Variants in CDKN3 observed in about 807,000 individuals in gnomAD.
CDKN3 encodes the protein cyclin-dependent kinase inhibitor 3.
Under a neutral mutation model 36.1 loss-of-function variants are expected in CDKN3, and 19 were observed. The observed-to-expected ratio is 0.53, with a 90% CI of 0.37 to 0.77. The LOEUF (loss-of-function observed/expected upper bound fraction) is 0.77, where lower values mean the gene tolerates loss of function less well. Among genes scored for constraint, CDKN3 ranks in the 30% least tolerant of loss-of-function variants. The pLI, the probability that CDKN3 is intolerant of heterozygous loss-of-function variation, is 0.00. For missense variants in CDKN3, 188 were observed against 248.6 expected (o/e 0.76, Z 1.64); for synonymous variants, 71 against 85.3 (o/e 0.83, Z 0.92).
intron 6 of CDKN3, among the ~76,000 whole-genome samples, chr14:54,417,141 A>G (rs1389609861): frequency 6.6e-6 from 1 of 152,246 alleles, no homozygotes; most frequent in African/African-American, 2.4e-5. Context: ...AAACAAGTAA[A>G]CATTAACATA....
chr14:54,411,258 ATTGAC>A (rs1385461008), intron 4 of CDKN3: 5 of 499,788 alleles, frequency 1.0e-5, no homozygotes, highest in African/African-American at 7.9e-5. Flanking sequence ...AAGAACAGCA[ATTGAC>A]TTATTTTGAA....
intron 1 of CDKN3, among the ~76,000 whole-genome samples, chr14:54,399,030 G>A (rs1426622643): frequency 2.4e-5 from 3 of 124,882 alleles, no homozygotes; most frequent in Non-Finnish European, 4.7e-5. Context: ...CTGTCAGCCA[G>A]GCTGGAGTGC....
intron 3 of CDKN3, among the ~76,000 whole-genome samples, chr14:54,405,587 T>C (rs946364924): frequency 5.9e-5 from 9 of 152,230 alleles, no homozygotes; most frequent in Admixed American, 2.0e-4. Context: ...CCTTTACCAT[T>C]ATGTAATCCC....
At chr14:54,417,816 T>C (rs1349129495) in intron 6 of CDKN3, 32 bp from the exon 7 acceptor site, 3 of 1,220,998 alleles carry the variant, frequency 2.5e-6, no homozygotes, top group South Asian at 2.6e-5. Flanking sequence ...AGTTATTTAA[T>C]AACATATTAT....
intron 7 of CDKN3, chr14:54,418,453 C>T: frequency 1.7e-6 from 1 of 585,136 alleles, no homozygotes; most frequent in East Asian, 2.9e-5. Context: ...TAACTGGGGA[C>T]ATCTTCCACA....
intron 3 of CDKN3, among the ~76,000 whole-genome samples, chr14:54,406,660 A>T (rs143871741): frequency 0.018 from 2,756 of 151,928 alleles, 83 homozygotes; most frequent in East Asian, 0.084. Flanking sequence ...TGCATCACGA[A>T]GTTCTCCTGC....
At chr14:54,418,581 T>C (rs893803473) in intron 7 of CDKN3, among the ~76,000 whole-genome samples, 4 of 152,172 alleles carry the variant, frequency 2.6e-5, no homozygotes, top group African/African-American at 9.7e-5. Context: ...GTAAAGCTAA[T>C]GTGCCTTCTT....
chr14:54,401,570 G>A lies in CDKN3; in HGVS notation c.139G>A (p.Ala47Thr), dbSNP rs2029942191. Residue 47 changes from alanine to threonine, a missense_variant, in exon 3 of 8, where the codon GCT (alanine) becomes ACT (threonine). Transcript: ENST00000335183. Reference protein sequence around the residue: ...VNCSQFLGLCALPGCKFKDVR... With the variant: ...VNCSQFLGLCTLPGCKFKDVR... Reference sequence around the variant, plus strand: ...TTGTTCTCAGTTTCTCGGTTTATGTGCTCTTCCAGGTGGGTAACACAATAA... The same window carrying A: ...TTGTTCTCAGTTTCTCGGTTTATGTACTCTTCCAGGTGGGTAACACAATAA... The A allele has an allele frequency of 1.2e-6, 2 of 1,606,608 alleles. No homozygotes were observed. Among genetic ancestry groups the A allele is most frequent in the African/African-American group, 2.7e-5 (2 of 74,666 alleles).
chr14:54,408,562 G>T, intron 3 of CDKN3, 183 bp from the exon 4 acceptor site: 1 of 694,818 alleles, frequency 1.4e-6, no homozygotes, highest in Non-Finnish European at 2.2e-6. Flanking sequence ...TCCTTGCTTA[G>T]GATGAATCCC....
intron 5 of CDKN3, chr14:54,411,921 A>G: frequency 1.7e-6 from 1 of 592,980 alleles, no homozygotes; most frequent in Non-Finnish European, 3.0e-6. Flanking sequence ...ACAATAAATG[A>G]GTAGATTTGG....
At chr14:54,414,538 T>C (rs2030465623) in intron 5 of CDKN3, among the ~76,000 whole-genome samples, 2 of 151,144 alleles carry the variant, frequency 1.3e-5, no homozygotes. Flanking sequence ...GTGTTCTATC[T>C]TGATCTTTTT....
chr14:54,410,275 A>G (rs950916814), intron 4 of CDKN3, among the ~76,000 whole-genome samples: 1 of 152,180 alleles, frequency 6.6e-6, no homozygotes, highest in Non-Finnish European at 1.5e-5. Context: ...CTTTCTCAGA[A>G]AGTTGGAAAA....
intron 6 of CDKN3, among the ~76,000 whole-genome samples, chr14:54,417,354 T>C (rs1054376386): frequency 2.6e-5 from 4 of 152,224 alleles, no homozygotes; most frequent in African/African-American, 9.6e-5. Context: ...TGCTACAATA[T>C]GTATGAACCC....
At chr14:54,411,230 CAAAAA>C (rs754106708) in intron 4 of CDKN3, 1 of 384,994 alleles carries the variant, frequency 2.6e-6, no homozygotes, top group African/African-American at 2.2e-5. Flanking sequence ...GTATTCATTG[CAAAAA>C]AAAATTTTTT....
chr14:54,411,533 A>C lies in CDKN3; in HGVS notation c.243A>C (p.Arg81Ser), dbSNP rs2030352570. 2 of 1,613,946 alleles carry C rather than the reference A, an allele frequency of 1.2e-6. No individual in the cohort carries two copies. The highest frequency in any genetic ancestry group is 1.7e-6 in the Non-Finnish European group (2 of 1,180,028). ...GIQDIFVFCTRGELSKYRVPN... is the reference protein window; with the variant it reads ...GIQDIFVFCTSGELSKYRVPN... ...AAGACATATTTGTTTTCTGCACCAG[A>C]GGGGAACTGTCAAAATATAGAGTCC... The change falls in exon 5 of 8, where the codon AGA (arginine) becomes AGC (serine). Residue 81 changes from arginine (R) to serine (S), a missense_variant. Coordinates refer to ENST00000335183, the MANE Select transcript of CDKN3 (RefSeq NM_005192.4).
chr14:54,404,585 T>C (rs912543049), intron 3 of CDKN3, among the ~76,000 whole-genome samples: 1 of 152,094 alleles, frequency 6.6e-6, no homozygotes, highest in Admixed American at 6.5e-5. Flanking sequence ...AGTTCTTTTT[T>C]TTTTCTTGAG....
At chr14:54,399,833 A>G (rs1219500259) in intron 1 of CDKN3, 61 bp from the exon 2 acceptor site, 2 of 812,366 alleles carry the variant, frequency 2.5e-6, no homozygotes, top group East Asian at 4.9e-5. Flanking sequence ...GACAAGGATT[A>G]GCTATCCTAA....
At chr14:54,397,113 C>A (rs1886328789) in intron 1 of CDKN3, 36 bp downstream of exon 1, 2 of 1,474,344 alleles carry the variant, frequency 1.4e-6, no homozygotes, top group Non-Finnish European at 9.0e-7. Context: ...AGGAGCGAGG[C>A]GGCAGGGACG....
chr14:54,399,895 C>G lies in CDKN3; in HGVS notation c.11C>G (p.Pro4Arg). The G allele has an allele frequency of 6.5e-7, 1 of 1,544,458 alleles. No individual in the cohort carries two copies. Among genetic ancestry groups the G allele is most frequent in the South Asian group, 1.1e-5 (1 of 89,382 alleles). The change falls in exon 2 of 8, where the codon CCC becomes CGC. Residue 4 changes from proline to arginine, a missense_variant and splice_region_variant. Physicochemically the swap from Pro to Arg is moderately radical, Grantham distance 103. Coordinates refer to ENST00000335183, the MANE Select transcript of CDKN3 (RefSeq NM_005192.4). ...TTTAACATAACATTTCTTTTGAAGC[C>G]CAGTTCAATACAAACAAGTGAGTTT... MKP[P>R]SSIQTSEFDS...
Sources: gnomAD v4.1 joint callset for allele counts (sites outside exome capture counted in the v4.1 genomes callset) on GRCh38, gnomAD v4.1.1 for gene constraint, MANE v1.5 for transcripts, NCBI Gene and HGNC (gene_info 2026-07-23, HGNC 2026-07-21) for gene names.